Variants in GABRB3 observed in about 807,000 individuals in gnomAD.
GABRB3 encodes the protein gamma-aminobutyric acid receptor subunit beta-3.
A neutral mutation model predicts 52.1 loss-of-function variants in GABRB3; 14 were observed. That is an observed-to-expected ratio of 0.27 (90% CI 0.18 to 0.42). The LOEUF (loss-of-function observed/expected upper bound fraction) is 0.42. GABRB3 is among the 10% of genes least tolerant of loss of function. GABRB3 has a pLI of 1.00. For synonymous variants in GABRB3, 260 were observed against 232.3 expected (o/e 1.12, Z -1.08); for missense variants, 307 against 609.1 (o/e 0.50, Z 5.22).
intron 3 of GABRB3, among the ~76,000 whole-genome samples, chr15:26,627,975 G>A (rs1282763653): frequency 6.6e-6 from 1 of 152,170 alleles, no homozygotes; most frequent in Non-Finnish European, 1.5e-5. Context: ...AACTGCCACA[G>A]CTTTCAGCAA....
intron 4 of GABRB3, among the ~76,000 whole-genome samples, chr15:26,610,484 G>A (rs1892027262): frequency 6.6e-6 from 1 of 152,130 alleles, no homozygotes; most frequent in Non-Finnish European, 1.5e-5. Flanking sequence ...GATTGTGTAT[G>A]TATCAACATA....
intron 4 of GABRB3, among the ~76,000 whole-genome samples, chr15:26,606,768 CTATA>C (rs150461008): frequency 0.014 from 1,222 of 89,482 alleles, 4 homozygotes; most frequent in South Asian, 0.023. Flanking sequence ...ATCTGTCTAT[CTATA>C]GATAGATAGA....
chr15:26,685,709 C>T (rs1318389050), intron 3 of GABRB3, among the ~76,000 whole-genome samples: 1 of 151,812 alleles, frequency 6.6e-6, no homozygotes, highest in East Asian at 1.9e-4. Flanking sequence ...TAGGAGTGGG[C>T]CTCTAACTTG....
chr15:26,752,368 AT>A (rs1441418955), intron 3 of GABRB3, among the ~76,000 whole-genome samples: 1 of 151,650 alleles, frequency 6.6e-6, no homozygotes, highest in Non-Finnish European at 1.5e-5. Flanking sequence ...GGTTCAAGAG[AT>A]TCTCCTGCCT....
intron 3 of GABRB3, among the ~76,000 whole-genome samples, chr15:26,710,111 C>A (rs924716091): frequency 3.3e-5 from 5 of 152,150 alleles, no homozygotes; most frequent in African/African-American, 1.2e-4. Flanking sequence ...GTTGCATGTA[C>A]CTTCTCTTTA....
chr15:26,751,652 C>T lies in GABRB3; in HGVS notation c.240+20750G>A, dbSNP rs140363158. ...ATTAGTATTTTTGGTAATGAGGGGT[C>T]CCTTATGTTGGGGGACCCCTCATAA... is the stretch of plus-strand genomic sequence containing the variant. On this transcript the variant is annotated intron_variant, in intron 3 of 8. Transcript: ENST00000311550. 6.0e-3 allele frequency among the ~76,000 whole-genome samples: 913 copies of T among 152,108 alleles called. 10 individuals are homozygous for T. Among genetic ancestry groups the T allele is most frequent in the African/African-American group, 0.02 (821 of 41,474 alleles).
At chr15:26,706,473 G>A (rs973592671) in intron 3 of GABRB3, among the ~76,000 whole-genome samples, 3 of 150,794 alleles carry the variant, frequency 2.0e-5, no homozygotes, top group African/African-American at 7.3e-5. Context: ...TTTATGGCAT[G>A]TTATGCTTTG....
At chr15:26,617,305 G>T (rs1892293558) in intron 4 of GABRB3, among the ~76,000 whole-genome samples, 1 of 152,150 alleles carries the variant, frequency 6.6e-6, no homozygotes, top group African/African-American at 2.4e-5. Flanking sequence ...CCATCAAAAA[G>T]CTTATCCAAC....
rs1358376682 is a variant in GABRB3, at chr15:26,543,650, CA to C, written c.*4142del. 6.6e-6 allele frequency: 1 copy of C among 152,390 alleles called. No homozygotes were observed. Among genetic ancestry groups the C allele is most frequent in the Non-Finnish European group, 1.5e-5 (1 of 67,992 alleles). The allele number at this position is 152,390 out of a possible 1,614,324, so 9.4% of individuals were successfully genotyped here. A position where few individuals can be genotyped will look rare whatever the true frequency, so the allele number is the denominator to read the frequency against. On this transcript the variant is annotated 3_prime_UTR_variant, in exon 9 of 9. Transcript: ENST00000311550. ...GCTGTTTTTTCATGTCAAATAATACCAAAAAATTACATCAATGTGCTTAAGC... is the reference window on the plus strand; with the variant it reads ...GCTGTTTTTTCATGTCAAATAATACCAAAAATTACATCAATGTGCTTAAGC...
chr15:26,623,292 T>C (rs181259739), intron 3 of GABRB3, among the ~76,000 whole-genome samples: 94 of 152,260 alleles, frequency 6.2e-4, no homozygotes, highest in Non-Finnish European at 1.1e-3. Context: ...AGGTGGAAAC[T>C]AGAATGCCAC....
At chr15:26,558,770 G>A (rs775597314) in intron 8 of GABRB3, among the ~76,000 whole-genome samples, 1 of 152,076 alleles carries the variant, frequency 6.6e-6, no homozygotes, top group Non-Finnish European at 1.5e-5. Context: ...GGGCGCGGTG[G>A]CAGGTGCCTG....
At chr15:26,731,882 T>C (rs867533912) in intron 3 of GABRB3, among the ~76,000 whole-genome samples, 9 of 97,046 alleles carry the variant, frequency 9.3e-5, no homozygotes, top group African/African-American at 3.2e-4. Context: ...TTTAATGATA[T>C]CTGGGTACTG....
In GABRB3 at chr15:26,544,587, C is replaced by T. The variant is rs1304347897; in HGVS notation, c.*3206G>A. Reference sequence around the variant, plus strand: ...TAGACAGTGAAACCCCTCCACAGTCCCGGGGTTGGTGAACAGGAATAACAC... The same window carrying T: ...TAGACAGTGAAACCCCTCCACAGTCTCGGGGTTGGTGAACAGGAATAACAC... On this transcript the variant is annotated 3_prime_UTR_variant, in exon 9 of 9. Transcript: ENST00000311550. 2.0e-5 allele frequency: 3 copies of T among 152,102 alleles called. No homozygotes were observed. The highest frequency in any genetic ancestry group is 7.2e-5 in the African/African-American group (3 of 41,400). The allele number at this position is 152,102 out of a possible 1,614,324, so 9.4% of individuals were successfully genotyped here. A position where few individuals can be genotyped will look rare whatever the true frequency, so the allele number is the denominator to read the frequency against.
intron 3 of GABRB3, among the ~76,000 whole-genome samples, chr15:26,757,536 T>C (rs1333188222): frequency 2.6e-5 from 4 of 152,358 alleles, no homozygotes; most frequent in African/African-American, 9.6e-5. Context: ...CTTGGATTTA[T>C]GTCACTGGAC....
intron 4 of GABRB3, among the ~76,000 whole-genome samples, chr15:26,591,190 T>C (rs375589188): frequency 1.2e-4 from 18 of 152,296 alleles, no homozygotes; most frequent in African/African-American, 3.6e-4. Context: ...TTTGGGGTTA[T>C]TGTATGCATT....
chr15:26,554,161 G>GTATATATATATATATA (rs576382653), intron 8 of GABRB3, among the ~76,000 whole-genome samples: 1 of 21,242 alleles, frequency 4.7e-5, no homozygotes, highest in African/African-American at 1.0e-4. Context: ...TATATATAAA[G>GTATATATATATATATA]TATATATATA....
rs1014396929 is a variant in GABRB3 at position 26,645,093 on chromosome 15, G to A, written c.241-23559C>T. Among the ~76,000 whole-genome samples, 5 of 152,086 alleles carry A rather than the reference G, an allele frequency of 3.3e-5. No homozygotes were observed. The East Asian group carries it at 7.7e-4, about 23-fold the overall frequency. On this transcript the variant is annotated intron_variant, in intron 3 of 8. Transcript: ENST00000311550. Reference sequence around the variant, plus strand: ...ACCCCTGTCTACAAAAATGTGTAACGTGAGCCAGGCCTGGTGGTGTGCGCC... The same window carrying A: ...ACCCCTGTCTACAAAAATGTGTAACATGAGCCAGGCCTGGTGGTGTGCGCC...
At chr15:26,747,040 G>A (rs1427583793) in intron 3 of GABRB3, among the ~76,000 whole-genome samples, 1 of 152,132 alleles carries the variant, frequency 6.6e-6, no homozygotes, top group African/African-American at 2.4e-5. Flanking sequence ...GCATATTTGT[G>A]TGGGTCTATT....
chr15:26,697,783 A>C (rs2140675035), intron 3 of GABRB3, among the ~76,000 whole-genome samples: 1 of 152,242 alleles, frequency 6.6e-6, no homozygotes, highest in Non-Finnish European at 1.5e-5. Flanking sequence ...GCAAGCCCTC[A>C]CTGAAGAAAA....
Sources: gnomAD v4.1 joint callset for allele counts (sites outside exome capture counted in the v4.1 genomes callset) on GRCh38, gnomAD v4.1.1 for gene constraint, MANE v1.5 for transcripts, NCBI Gene and HGNC (gene_info 2026-07-23, HGNC 2026-07-21) for gene names.